Variants in KCNB2 observed in about 807,000 individuals in gnomAD.
KCNB2 encodes the protein potassium voltage-gated channel subfamily B member 2.
In KCNB2, 15 loss-of-function variants were observed where a neutral mutation model predicts 61.5. The observed-to-expected ratio is 0.24, with a 90% CI of 0.16 to 0.38. KCNB2 has a LOEUF of 0.38. Among genes scored for constraint, KCNB2 ranks in the 10% least tolerant of loss-of-function variants. The pLI, the probability that KCNB2 is intolerant of heterozygous loss-of-function variation, is 1.00. For missense variants in KCNB2, 828 were observed against 1,125.2 expected (o/e 0.74, Z 3.78); for synonymous variants, 457 against 446.0 (o/e 1.02, Z -0.31).
intron 2 of KCNB2, among the ~76,000 whole-genome samples, chr8:72,597,813 TA>T (rs1563534307): frequency 6.6e-6 from 1 of 152,168 alleles, no homozygotes; most frequent in African/African-American, 2.4e-5. Flanking sequence ...CCAAAAATGC[TA>T]AAAAAGAAAT....
chr8:72,887,322 A>G (rs1378228981), intron 2 of KCNB2, among the ~76,000 whole-genome samples: 1 of 152,216 alleles, frequency 6.6e-6, no homozygotes, highest in African/African-American at 2.4e-5. Context: ...CCAACCTTCC[A>G]AAAACTAAAG....
chr8:72,690,325 C>G (rs909844197), intron 2 of KCNB2, among the ~76,000 whole-genome samples: 8 of 152,140 alleles, frequency 5.3e-5, no homozygotes, highest in Admixed American at 4.6e-4. Flanking sequence ...AATAAGCTCC[C>G]AAGAAGCAAA....
At chr8:72,746,323 A>G (rs1434387713) in intron 2 of KCNB2, among the ~76,000 whole-genome samples, 1 of 104,970 alleles carries the variant, frequency 9.5e-6, no homozygotes, top group Non-Finnish European at 1.8e-5. Context: ...TGACATCAAT[A>G]TTATGAAAAG....
At chr8:72,801,471 T>C (rs1252913542) in intron 2 of KCNB2, among the ~76,000 whole-genome samples, 1 of 152,220 alleles carries the variant, frequency 6.6e-6, no homozygotes, top group East Asian at 1.9e-4. Context: ...GATGCTTTAC[T>C]TTTGTAGGTC....
chr8:72,601,002 A>AG (rs1171905309), intron 2 of KCNB2, among the ~76,000 whole-genome samples: 1 of 152,090 alleles, frequency 6.6e-6, no homozygotes, highest in African/African-American at 2.4e-5. Flanking sequence ...AAAAGTCAAA[A>AG]AAAAAAAAAG....
chr8:72,708,341 A>G lies in KCNB2; in HGVS notation c.579+140028A>G, dbSNP rs541943215. The stretch of plus-strand genomic sequence containing the variant: ...TTTCTTTGGAAAGGACATTATTTCA[A>G]CAGTGCAATTGTTGGACAAACAGCT... On this transcript the variant is annotated intron_variant, in intron 2 of 2. Transcript: ENST00000523207. Among the ~76,000 whole-genome samples, 35 of 152,346 alleles carry G rather than the reference A, an allele frequency of 2.3e-4. No individual in the cohort carries two copies. The East Asian group carries it at 4.6e-3, about 20-fold the overall frequency.
chr8:72,815,558 C>T (rs928622578), intron 2 of KCNB2, among the ~76,000 whole-genome samples: 3 of 152,152 alleles, frequency 2.0e-5, no homozygotes, highest in African/African-American at 7.2e-5. Context: ...ATCTAAACCA[C>T]TCAATAAATA....
chr8:72,565,055 G>T (rs73301684), intron 1 of KCNB2, among the ~76,000 whole-genome samples: 1 of 151,962 alleles, frequency 6.6e-6, no homozygotes, highest in Non-Finnish European at 1.5e-5. Context: ...CAAGCCCAGA[G>T]AATTTAAGTT....
chr8:72,729,126 T>C (rs1807699637), intron 2 of KCNB2, among the ~76,000 whole-genome samples: 2 of 152,190 alleles, frequency 1.3e-5, no homozygotes, highest in East Asian at 1.9e-4. Flanking sequence ...GTTTGTCATC[T>C]GCACAATGAG....
intron 2 of KCNB2, among the ~76,000 whole-genome samples, chr8:72,912,144 G>A (rs925753659): frequency 1.4e-4 from 22 of 152,126 alleles, no homozygotes; most frequent in African/African-American, 5.3e-4. Flanking sequence ...TCTTCATGTG[G>A]GTCATTTTCA....
chr8:72,635,874 C>T (rs1489221), intron 2 of KCNB2, among the ~76,000 whole-genome samples: 13,544 of 152,178 alleles, frequency 0.089, 1,240 homozygotes, highest in East Asian at 0.51. Flanking sequence ...TAGAGAGAAT[C>T]GGTCTGATTT....
intron 2 of KCNB2, among the ~76,000 whole-genome samples, chr8:72,677,873 A>G (rs13267872): frequency 6.6e-6 from 1 of 152,128 alleles, no homozygotes; most frequent in African/African-American, 2.4e-5. Flanking sequence ...TCATTCTTAA[A>G]TTAAAACATC....
intron 2 of KCNB2, among the ~76,000 whole-genome samples, chr8:72,600,048 A>G (rs1489795492): frequency 1.3e-5 from 2 of 152,224 alleles, no homozygotes; most frequent in African/African-American, 4.8e-5. Context: ...TTCCTCAAGG[A>G]TCTAGAACTA....
chr8:72,766,329 A>G (rs1185986798), intron 2 of KCNB2, among the ~76,000 whole-genome samples: 1 of 152,228 alleles, frequency 6.6e-6, no homozygotes, highest in Non-Finnish European at 1.5e-5. Context: ...CTGAAAGGAT[A>G]GCCTATGAAC....
intron 2 of KCNB2, among the ~76,000 whole-genome samples, chr8:72,654,699 A>G (rs1440109137): frequency 2.0e-5 from 3 of 152,226 alleles, no homozygotes; most frequent in Non-Finnish European, 4.4e-5. Context: ...GTAAAAAGGC[A>G]GTGAACATAG....
chr8:72,754,212 A>G lies in KCNB2; in HGVS notation c.580-181723A>G, dbSNP rs1030088926. On this transcript the variant is annotated intron_variant, in intron 2 of 2. Transcript: ENST00000523207. ...GAACAAGACCAGAACCTGAGGTACCACTATGGCAGTTTCTCATTTTCCTAT... is the reference window on the plus strand; with the variant it reads ...GAACAAGACCAGAACCTGAGGTACCGCTATGGCAGTTTCTCATTTTCCTAT... Among the ~76,000 whole-genome samples the G allele has an allele frequency of 5.3e-5, 8 of 152,208 alleles. No individual in the cohort carries two copies. The East Asian group carries it at 5.8e-4, about 11-fold the overall frequency.
intron 2 of KCNB2, among the ~76,000 whole-genome samples, chr8:72,713,650 A>G (rs966312799): frequency 2.0e-5 from 3 of 152,168 alleles, no homozygotes; most frequent in African/African-American, 7.2e-5. Flanking sequence ...CACACCAAAA[A>G]CCCCTCTGTA....
At chr8:72,561,500 G>C (rs1394486726) in intron 1 of KCNB2, among the ~76,000 whole-genome samples, 12 of 150,588 alleles carry the variant, frequency 8.0e-5, no homozygotes, top group Admixed American at 7.3e-4. Context: ...GCCTTTGATT[G>C]CAGAAAAGAA....
chr8:72,640,145 G>A (rs1392068547), intron 2 of KCNB2, among the ~76,000 whole-genome samples: 1 of 152,026 alleles, frequency 6.6e-6, no homozygotes, highest in Non-Finnish European at 1.5e-5. Context: ...GGAACAAAGT[G>A]GTGTGTGCTT....
Sources: allele counts gnomAD v4.1 joint callset (sites outside exome capture counted in the v4.1 genomes callset), GRCh38; gene constraint gnomAD v4.1.1; transcripts MANE v1.5; gene names NCBI Gene and HGNC (gene_info 2026-07-23, HGNC 2026-07-21).